The following INO80D variants were observed in gnomAD, a reference collection of about 807,000 sequenced individuals.
INO80D encodes INO80 complex subunit D.
A neutral mutation model predicts 87.6 loss-of-function variants in INO80D; 21 were observed. That is an observed-to-expected ratio of 0.24 (90% CI 0.17 to 0.35). The LOEUF (loss-of-function observed/expected upper bound fraction) is 0.35, where lower values mean the gene tolerates loss of function less well. Among genes scored for constraint, INO80D ranks in the 10% least tolerant of loss-of-function variants. The pLI is 1.00. For synonymous variants in INO80D, 440 were observed against 491.0 expected (o/e 0.90, Z 1.37); for missense variants, 982 against 1,280.7 (o/e 0.77, Z 3.56).
chr2:206,037,189 T>C (rs533062873), intron 5 of INO80D, among the ~76,000 whole-genome samples: 96 of 152,184 alleles, frequency 6.3e-4, no homozygotes, highest in Non-Finnish European at 1.1e-3. Flanking sequence ...AAATGATACC[T>C]GTGAAGTAAC....
rs770510485 is a variant in INO80D, at chr2:206,019,844, T to G, written c.1300A>C (p.Ile434Leu). 3.1e-6 allele frequency: 5 copies of G among 1,612,526 alleles called. No individual in the cohort carries two copies. The East Asian group carries it at 6.7e-5, about 22-fold the overall frequency. ...LRRAACSRTS[I>L]SRTKLREVEP... Reference sequence around the variant, plus strand: ...ACCTCCCTCAGCTTGGTCCGGCTTATGCTAAGGAAAGAAAAACAGAGAATT... The same window carrying G: ...ACCTCCCTCAGCTTGGTCCGGCTTAGGCTAAGGAAAGAAAAACAGAGAATT... The change falls in exon 7 of 11, where the codon ATA becomes CTA. Residue 434 changes from isoleucine to leucine, a missense_variant and splice_region_variant. By Grantham distance (5) the Ile-to-Leu change is conservative. Transcript: ENST00000403263.
At chr2:206,007,999 T>TA (rs1688071800) in intron 9 of INO80D, 1 of 152,398 alleles carries the variant, frequency 6.6e-6, no homozygotes, top group Admixed American at 6.6e-5. Context: ...TTTTTTTTTT[T>TA]AGACAGAGTT....
chr2:206,077,770 C>G (rs1441948666), intron 1 of INO80D, among the ~76,000 whole-genome samples: 1 of 152,132 alleles, frequency 6.6e-6, no homozygotes, highest in Non-Finnish European at 1.5e-5. Flanking sequence ...CTAATGGCCT[C>G]TTTGTTACTG....
At chr2:206,014,524 G>C (rs531330085) in intron 8 of INO80D, among the ~76,000 whole-genome samples, 1 of 152,260 alleles carries the variant, frequency 6.6e-6, no homozygotes, top group South Asian at 2.1e-4. Context: ...CCCTGCACGA[G>C]CTCTTTTTGC....
chr2:206,070,885 CTTGA>C (rs1434557490), intron 1 of INO80D, among the ~76,000 whole-genome samples: 1 of 121,392 alleles, frequency 8.2e-6, no homozygotes, highest in Non-Finnish European at 1.7e-5. Flanking sequence ...TTATAGGGGA[CTTGA>C]TTTTTTTTTT....
rs1687822297 is a variant in INO80D at position 205,997,059 on chromosome 2, T to C, written c.*7309A>G. 1 of 152,042 alleles carries C rather than the reference T, an allele frequency of 6.6e-6. No homozygotes were observed. The highest frequency in any genetic ancestry group is 1.5e-5 in the Non-Finnish European group (1 of 67,960). The allele number at this position is 152,042 out of a possible 1,614,324, so 9.4% of individuals were successfully genotyped here. ...TGATGCTCAAGAGACAACTACAAAT[T>C]CAGGTATATTATCAGAAGTTGCTTT... On this transcript the variant is annotated 3_prime_UTR_variant, in exon 11 of 11. Transcript: ENST00000403263.
intron 8 of INO80D, among the ~76,000 whole-genome samples, chr2:206,015,961 A>AGGGGCCTTCTGC (rs1688307321): frequency 6.6e-6 from 1 of 152,068 alleles, no homozygotes; most frequent in Admixed American, 6.5e-5. Flanking sequence ...CCTCCAGGGG[A>AGGGGCCTTCTGC]ACCTCTGCTA....
intron 1 of INO80D, among the ~76,000 whole-genome samples, chr2:206,065,750 A>T (rs1031090048): frequency 1.3e-5 from 2 of 152,226 alleles, no homozygotes; most frequent in African/African-American, 4.8e-5. Context: ...CATTTCTCAA[A>T]AGAAGGCATA....
intron 5 of INO80D, among the ~76,000 whole-genome samples, chr2:206,030,863 A>C (rs1035975781): frequency 6.6e-6 from 1 of 152,206 alleles, no homozygotes; most frequent in Non-Finnish European, 1.5e-5. Flanking sequence ...AAACAGAAGA[A>C]GAGAGAGAAG....
chr2:206,068,681 T>C (rs940878930), intron 1 of INO80D, among the ~76,000 whole-genome samples: 2 of 152,150 alleles, frequency 1.3e-5, no homozygotes. Context: ...CTGAATCATT[T>C]TACTTTTGAG....
intron 1 of INO80D, among the ~76,000 whole-genome samples, chr2:206,073,092 C>T (rs992238866): frequency 1.3e-5 from 2 of 152,160 alleles, no homozygotes; most frequent in Non-Finnish European, 2.9e-5. Context: ...CCTGCTTCAC[C>T]TCCCAAAGTG....
intron 6 of INO80D, 54 bp downstream of exon 6, chr2:206,028,057 T>C: frequency 7.8e-7 from 1 of 1,281,234 alleles, no homozygotes; most frequent in East Asian, 2.6e-5. Context: ...TCTCACAAAA[T>C]AAAGAAAGCA....
In INO80D at chr2:206,056,811, C is replaced by T. The variant is rs750521706; in HGVS notation, c.351G>A (p.Thr117=). 22 of 1,612,186 alleles carry T rather than the reference C, an allele frequency of 1.4e-5. No individual in the cohort carries two copies. Among genetic ancestry groups the T allele is most frequent in the Non-Finnish European group, 1.3e-5 (15 of 1,179,166 alleles). ...GTCCGTTGGGCATCTTCAAGGCCAA[C>T]GTGGGCACTGTCAGGCTAAAGGCCA... ...DTMAFSLTVP[T]LALKMPNGLD... is the part of the protein sequence containing the mutation. Residue 117 remains threonine, a synonymous_variant, in exon 4 of 11, where the codon ACG becomes ACA. Transcript: ENST00000403263.
At chr2:206,036,022 A>C (rs374994798) in intron 5 of INO80D, among the ~76,000 whole-genome samples, 2 of 152,210 alleles carry the variant, frequency 1.3e-5, no homozygotes, top group African/African-American at 4.8e-5. Flanking sequence ...GGGAAATGCA[A>C]ATCAAAACCA....
chr2:206,012,059 G>A (rs1688189715), intron 8 of INO80D, among the ~76,000 whole-genome samples: 1 of 152,198 alleles, frequency 6.6e-6, no homozygotes, highest in Non-Finnish European at 1.5e-5. Flanking sequence ...CAACACTTTG[G>A]GAGGCAGTGG....
intron 4 of INO80D, among the ~76,000 whole-genome samples, chr2:206,050,879 G>A (rs896527668): frequency 1.3e-5 from 2 of 151,998 alleles, no homozygotes; most frequent in Admixed American, 6.6e-5. Context: ...TGAAGCAGGA[G>A]AATGGCGTGA....
Position 206,043,497 on chromosome 2 carries a change from CT to C in INO80D, c.1073+3006del, listed in dbSNP as rs113578836. Reference sequence around the variant, plus strand: ...GTAGGGCCAATTTTCATTTCTTTTCCTTTTTTTTGAGATGGAGTCTCGCTCT... The same window carrying C: ...GTAGGGCCAATTTTCATTTCTTTTCCTTTTTTTGAGATGGAGTCTCGCTCT... On this transcript the variant is annotated intron_variant, in intron 5 of 10. Coordinates refer to ENST00000403263, the MANE Select transcript of INO80D (RefSeq NM_017759.5). 1.5e-4 allele frequency among the ~76,000 whole-genome samples: 22 copies of C among 150,242 alleles called. No homozygotes were observed. The South Asian group carries it at 3.8e-3, about 26-fold the overall frequency.
intron 8 of INO80D, among the ~76,000 whole-genome samples, chr2:206,013,597 A>G (rs1224757927): frequency 6.6e-6 from 1 of 152,068 alleles, no homozygotes; most frequent in African/African-American, 2.4e-5. Context: ...TTCATTCATA[A>G]TAAGTTCCTA....
chr2:206,050,369 G>A (rs1689319036), intron 4 of INO80D, among the ~76,000 whole-genome samples: 1 of 151,770 alleles, frequency 6.6e-6, no homozygotes, highest in Non-Finnish European at 1.5e-5. Flanking sequence ...GCATGCGCCT[G>A]TAGTCCCAGC....
Sources: gnomAD v4.1 joint callset for allele counts (sites outside exome capture counted in the v4.1 genomes callset) on GRCh38, gnomAD v4.1.1 for gene constraint, MANE v1.5 for transcripts, NCBI Gene and HGNC (gene_info 2026-07-23, HGNC 2026-07-21) for gene names.